Variants in MAPK10 observed in about 807,000 individuals in gnomAD.
MAPK10 encodes the protein JNK3 alpha protein kinase.
Under a neutral mutation model 59.3 loss-of-function variants are expected in MAPK10, and 25 were observed. The ratio of observed to expected loss-of-function variants is 0.42; its 90% confidence interval spans 0.31 to 0.59. MAPK10 has a LOEUF of 0.59. Ranked by LOEUF, MAPK10 falls within the 20% of genes least tolerant of loss-of-function variation. The pLI is 0.15. For synonymous variants in MAPK10, 190 were observed against 200.5 expected (o/e 0.95, Z 0.44); for missense variants, 351 against 568.9 (o/e 0.62, Z 3.90).
intron 4 of MAPK10, 106 bp from the exon 5 acceptor site, chr4:86,107,458 A>C: frequency 6.8e-7 from 1 of 1,473,102 alleles, no homozygotes; most frequent in East Asian, 2.5e-5. Flanking sequence ...TCGGAATCTT[A>C]GATACTGTCT....
chr4:86,282,573 G>A (rs771304819), intron 2 of MAPK10, among the ~76,000 whole-genome samples: 5 of 152,158 alleles, frequency 3.3e-5, no homozygotes, highest in African/African-American at 7.2e-5. Context: ...GGTAAATACA[G>A]ATTTTGGAGG....
intron 2 of MAPK10, among the ~76,000 whole-genome samples, chr4:86,255,853 C>T (rs2093685955): frequency 6.6e-6 from 1 of 152,038 alleles, no homozygotes; most frequent in African/African-American, 2.4e-5. Context: ...ATTTTCACCC[C>T]AATAGAATGT....
At chr4:86,554,666 G>T (rs1490476138) in intron 1 of MAPK10, among the ~76,000 whole-genome samples, 2 of 152,118 alleles carry the variant, frequency 1.3e-5, no homozygotes, top group Admixed American at 1.3e-4. Flanking sequence ...TGTCCTATCT[G>T]GTCCCTCCCC....
At chr4:86,445,336 A>T (rs975666587) in intron 1 of MAPK10, among the ~76,000 whole-genome samples, 3 of 152,180 alleles carry the variant, frequency 2.0e-5, no homozygotes, top group Admixed American at 1.3e-4. Flanking sequence ...ATGAAACACC[A>T]CATGTTCTCA....
intron 9 of MAPK10, among the ~76,000 whole-genome samples, chr4:86,091,951 C>T (rs1197595738): frequency 2.6e-5 from 4 of 152,074 alleles, no homozygotes; most frequent in Non-Finnish European, 5.9e-5. Flanking sequence ...GGATTACAGG[C>T]ATGAGACACC....
At chr4:86,313,976 T>G (rs1017878073) in intron 2 of MAPK10, among the ~76,000 whole-genome samples, 1 of 152,056 alleles carries the variant, frequency 6.6e-6, no homozygotes, top group Non-Finnish European at 1.5e-5. Context: ...TTTGGATATA[T>G]TCACACAAGG....
intron 13 of MAPK10, among the ~76,000 whole-genome samples, chr4:86,025,765 A>G (rs1749841295): frequency 6.6e-6 from 1 of 152,224 alleles, no homozygotes; most frequent in Non-Finnish European, 1.5e-5. Context: ...GAAGTAACAT[A>G]TGCTAAAGAA....
At chr4:86,476,330 G>A (rs572545357) in intron 1 of MAPK10, among the ~76,000 whole-genome samples, 1 of 152,228 alleles carries the variant, frequency 6.6e-6, no homozygotes, top group South Asian at 2.1e-4. Context: ...CCAGCTTACA[G>A]TTTCGTTCTG....
chr4:86,186,617 C>T (rs189280434), intron 3 of MAPK10, among the ~76,000 whole-genome samples: 21 of 152,064 alleles, frequency 1.4e-4, no homozygotes, highest in Admixed American at 3.3e-4. Context: ...TCATGTCATT[C>T]TTTATTTAAA....
intron 2 of MAPK10, among the ~76,000 whole-genome samples, chr4:86,208,693 C>T (rs1002154879): frequency 6.6e-5 from 10 of 151,712 alleles, no homozygotes; most frequent in African/African-American, 2.2e-4. Flanking sequence ...ACAGGGATGC[C>T]CTCTCTCAGC....
intron 1 of MAPK10, among the ~76,000 whole-genome samples, chr4:86,541,901 T>C (rs1207740187): frequency 6.7e-6 from 1 of 149,966 alleles, no homozygotes; most frequent in African/African-American, 2.5e-5. Context: ...GCCCAGCTGA[T>C]ACAAAATATA....
intron 1 of MAPK10, chr4:86,370,833 A>G (rs1388315529): frequency 1.3e-5 from 2 of 152,186 alleles, no homozygotes; most frequent in South Asian, 2.1e-4. Context: ...TTCATCTACA[A>G]TGTATCAGGT....
chr4:86,017,198 G>T lies in MAPK10; in HGVS notation c.*30C>A. ...GTGTTCCATCACATCATCTCCTGAA[G>T]AACGCTGGGTTTCGCAGGCAGGCGG... On this transcript the variant is annotated 3_prime_UTR_variant, in exon 14 of 14. Coordinates refer to ENST00000641462, the MANE Select transcript of MAPK10 (RefSeq NM_138982.4). This position sits in a 1 kb window ranked among gnomAD's most constrained non-coding sequence, Gnocchi z 4.4. 3.7e-6 allele frequency: 6 copies of T among 1,609,814 alleles called. No individual in the cohort carries two copies. Among genetic ancestry groups the T allele is most frequent in the South Asian group, 1.1e-5 (1 of 90,488 alleles).
At chr4:86,145,901 T>G (rs2064880514) in intron 4 of MAPK10, among the ~76,000 whole-genome samples, 1 of 152,152 alleles carries the variant, frequency 6.6e-6, no homozygotes, top group Admixed American at 6.5e-5. Context: ...CCTTTGAGGT[T>G]GCAAGCTATT....
intron 8 of MAPK10, chr4:86,099,789 C>G (rs934787804): frequency 2.0e-5 from 3 of 152,168 alleles, no homozygotes; most frequent in African/African-American, 7.2e-5. Context: ...TTTGTTTCTC[C>G]TTTGACTTTT....
chr4:86,515,329 G>C (rs1756571384), intron 1 of MAPK10, among the ~76,000 whole-genome samples: 1 of 152,082 alleles, frequency 6.6e-6, no homozygotes, highest in African/African-American at 2.4e-5. Context: ...ATAGTGACTT[G>C]TTTTCCTCTG....
At chr4:86,108,371 G>A (rs1275007975) in intron 4 of MAPK10, among the ~76,000 whole-genome samples, 1 of 152,096 alleles carries the variant, frequency 6.6e-6, no homozygotes, top group African/African-American at 2.4e-5. Context: ...GTCCTGCTGG[G>A]TTTTGTCTTA....
intron 1 of MAPK10, among the ~76,000 whole-genome samples, chr4:86,574,160 G>C (rs1047166675): frequency 3.3e-5 from 5 of 151,448 alleles, no homozygotes; most frequent in Non-Finnish European, 7.4e-5. Flanking sequence ...GCGGTGTTTG[G>C]TTTTTTGTCC....
upstream of MAPK10, among the ~76,000 whole-genome samples, chr4:86,454,982 T>C (rs2149057848): frequency 6.6e-6 from 1 of 152,218 alleles, no homozygotes; most frequent in South Asian, 2.1e-4. Flanking sequence ...ATCTTCAGCC[T>C]CCTCAAACAA....
Sources: gnomAD v4.1 joint callset for allele counts (sites outside exome capture counted in the v4.1 genomes callset) on GRCh38, gnomAD v4.1.1 for gene constraint, Gnocchi (gnomAD v3.1) non-coding constraint, MANE v1.5 for transcripts, NCBI Gene and HGNC (gene_info 2026-07-23, HGNC 2026-07-21) for gene names.